Variants in PRKCE observed in about 807,000 individuals in gnomAD.
PRKCE encodes protein kinase C epsilon type.
Under a neutral mutation model 85.4 loss-of-function variants are expected in PRKCE, and 16 were observed. The ratio of observed to expected loss-of-function variants is 0.19; its 90% confidence interval spans 0.13 to 0.28. PRKCE has a LOEUF of 0.28. PRKCE is among the 10% of genes least tolerant of loss of function. PRKCE has a pLI of 1.00. For missense variants in PRKCE, 573 were observed against 975.2 expected, an observed-to-expected ratio of 0.59 and a Z score of 5.49; for synonymous variants, 388 against 371.5, an observed-to-expected ratio of 1.04 and a Z score of -0.51.
intron 2 of PRKCE, among the ~76,000 whole-genome samples, chr2:45,960,310 G>C (rs1558887384): frequency 1.3e-5 from 2 of 152,182 alleles, no homozygotes; most frequent in Admixed American, 6.5e-5. Flanking sequence ...GTGTGGTGGA[G>C]GTAGTGATAC....
chr2:45,971,912 C>T (rs1488746142), intron 2 of PRKCE, among the ~76,000 whole-genome samples: 1 of 152,172 alleles, frequency 6.6e-6, no homozygotes, highest in African/African-American at 2.4e-5. Context: ...AATGACGCTG[C>T]AGTGAATGTG....
intron 1 of PRKCE, among the ~76,000 whole-genome samples, chr2:45,661,021 G>A (rs1281996274): frequency 6.6e-6 from 1 of 152,146 alleles, no homozygotes; most frequent in Non-Finnish European, 1.5e-5. Flanking sequence ...GCTGAAATGA[G>A]GATCTCCTCT....
chr2:45,666,766 G>T (rs943706509), intron 1 of PRKCE, among the ~76,000 whole-genome samples: 1 of 152,096 alleles, frequency 6.6e-6, no homozygotes, highest in Non-Finnish European at 1.5e-5. Flanking sequence ...CTGTTCCTGA[G>T]GGTAAAACTC....
chr2:46,170,455 A>C (rs1678783168), intron 14 of PRKCE, among the ~76,000 whole-genome samples: 1 of 152,252 alleles, frequency 6.6e-6, no homozygotes. Context: ...AACAATTAGC[A>C]ATGCACAGTA....
At chr2:46,115,045 G>A (rs1165613509) in intron 11 of PRKCE, among the ~76,000 whole-genome samples, 1 of 152,188 alleles carries the variant, frequency 6.6e-6, no homozygotes. Context: ...CCTCTCCTGA[G>A]TGGCCCTCCA....
At chr2:45,979,687 T>A (rs1292961928) in intron 4 of PRKCE, among the ~76,000 whole-genome samples, 3 of 152,196 alleles carry the variant, frequency 2.0e-5, no homozygotes, top group Non-Finnish European at 4.4e-5. Flanking sequence ...TAGTGTCTGG[T>A]GGAAGTTGCT....
intron 11 of PRKCE, among the ~76,000 whole-genome samples, chr2:46,118,200 T>C (rs144173524): frequency 1.9e-4 from 29 of 152,352 alleles, no homozygotes; most frequent in African/African-American, 6.5e-4. Flanking sequence ...CCTTTGAGGT[T>C]GTTTAGAATG....
intron 11 of PRKCE, among the ~76,000 whole-genome samples, chr2:46,118,620 A>T (rs1673001214): frequency 6.6e-6 from 1 of 152,246 alleles, no homozygotes; most frequent in East Asian, 1.9e-4. Flanking sequence ...GGCTTCAATA[A>T]GGAGGCTCCC....
intron 2 of PRKCE, among the ~76,000 whole-genome samples, chr2:45,880,483 C>T (rs1016745126): frequency 3.9e-5 from 6 of 152,112 alleles, no homozygotes; most frequent in East Asian, 3.8e-4. Flanking sequence ...GAGACTTGGC[C>T]GAGCCCAATC....
chr2:45,788,216 C>G (rs1686765860), intron 1 of PRKCE, among the ~76,000 whole-genome samples: 1 of 152,150 alleles, frequency 6.6e-6, no homozygotes, highest in Non-Finnish European at 1.5e-5. Flanking sequence ...AAGGCGTATT[C>G]CTTAAACTAC....
At chr2:45,658,768 T>G (rs1409727418) in intron 1 of PRKCE, among the ~76,000 whole-genome samples, 4 of 152,240 alleles carry the variant, frequency 2.6e-5, no homozygotes, top group Admixed American at 1.3e-4. Flanking sequence ...TATGGTCCAG[T>G]GAAATATATT....
At chr2:45,803,320 A>C (rs1688011647) in intron 1 of PRKCE, among the ~76,000 whole-genome samples, 1 of 152,232 alleles carries the variant, frequency 6.6e-6, no homozygotes, top group South Asian at 2.1e-4. Flanking sequence ...TAAGTCCTAG[A>C]ATAAAGATTT....
At chr2:46,012,889 C>G (rs1705807680) in intron 10 of PRKCE, among the ~76,000 whole-genome samples, 1 of 152,202 alleles carries the variant, frequency 6.6e-6, no homozygotes, top group Non-Finnish European at 1.5e-5. Flanking sequence ...GAACAGTGAT[C>G]AAGCTAACAT....
chr2:45,830,765 G>A (rs6718989), intron 1 of PRKCE, among the ~76,000 whole-genome samples: 95,447 of 152,122 alleles, frequency 0.63, 31,151 homozygotes, highest in African/African-American at 0.81. Flanking sequence ...TGACATCAGA[G>A]TCCATTGACA....
intron 2 of PRKCE, among the ~76,000 whole-genome samples, chr2:45,884,394 G>C (rs1695090244): frequency 6.6e-6 from 1 of 152,240 alleles, no homozygotes. Flanking sequence ...TATGACGACA[G>C]GGTGGTGGTG....
chr2:46,086,421 A>T, intron 11 of PRKCE, 59 bp downstream of exon 11: 1 of 1,549,430 alleles, frequency 6.5e-7, no homozygotes, highest in Non-Finnish European at 8.7e-7. Context: ...TGCTTCAGAC[A>T]CTTGAACTGA....
At chr2:45,694,890 G>A (rs1678016617) in intron 1 of PRKCE, among the ~76,000 whole-genome samples, 1 of 152,156 alleles carries the variant, frequency 6.6e-6, no homozygotes, top group Non-Finnish European at 1.5e-5. Context: ...TTTTTCCTGA[G>A]AGTGGCTGAG....
At chr2:46,102,280 C>A (rs4953317) in intron 11 of PRKCE, among the ~76,000 whole-genome samples, 4 of 152,120 alleles carry the variant, frequency 2.6e-5, no homozygotes, top group Middle Eastern at 3.4e-3. Flanking sequence ...GTTAACAGGC[C>A]TACACTGGGT....
chr2:45,851,721 C>T (rs1199408327), intron 2 of PRKCE: 2 of 152,222 alleles, frequency 1.3e-5, no homozygotes, highest in African/African-American at 4.8e-5. Context: ...CTACAAGAGG[C>T]TCCAGCAAAC....
Sources: gnomAD v4.1 joint callset for allele counts (sites outside exome capture counted in the v4.1 genomes callset) on GRCh38, gnomAD v4.1.1 for gene constraint, MANE v1.5 for transcripts, NCBI Gene and HGNC (gene_info 2026-07-23, HGNC 2026-07-21) for gene names.